Variants in EEA1 observed in about 807,000 individuals in gnomAD.
EEA1 encodes the protein early endosome antigen 1, also known as early endosome antigen 1, 162kD.
Under a neutral mutation model 209.2 loss-of-function variants are expected in EEA1, and 111 were observed. The ratio of observed to expected loss-of-function variants is 0.53; its 90% CI spans 0.45 to 0.62. EEA1 has a LOEUF of 0.62. Ranked by LOEUF, EEA1 falls within the 20% of genes least tolerant of loss-of-function variation. EEA1 has a pLI of 0.00. For missense variants in EEA1, 1,343 were observed against 1,530.8 expected (o/e 0.88, Z 2.05); for synonymous variants, 536 against 540.6 (o/e 0.99, Z 0.12).
chr12:92,872,625 G>GT (rs1434220272), intron 2 of EEA1, among the ~76,000 whole-genome samples: 1 of 152,144 alleles, frequency 6.6e-6, no homozygotes, highest in African/African-American at 2.4e-5. Context: ...TTATACTGAT[G>GT]TATGTATGGC....
At chr12:92,794,942 CAA>C (rs1874593592) in intron 21 of EEA1, among the ~76,000 whole-genome samples, 1 of 152,084 alleles carries the variant, frequency 6.6e-6, no homozygotes, top group Non-Finnish European at 1.5e-5. Flanking sequence ...TGCACAAACC[CAA>C]GTTATCCTTG....
chr12:92,805,388 G>A (rs950687006), intron 18 of EEA1, among the ~76,000 whole-genome samples: 2 of 152,080 alleles, frequency 1.3e-5, no homozygotes, highest in African/African-American at 4.8e-5. Flanking sequence ...ATGAAGGTGT[G>A]AAACAACTTA....
At chr12:92,901,621 G>T (rs1880146770) in intron 1 of EEA1, among the ~76,000 whole-genome samples, 2 of 150,688 alleles carry the variant, frequency 1.3e-5, no homozygotes, top group South Asian at 4.2e-4. Context: ...AAGCGGGAGT[G>T]CAATGGCATT....
At chr12:92,885,428 CAGAG>C (rs1879337469) in intron 2 of EEA1, among the ~76,000 whole-genome samples, 1 of 152,156 alleles carries the variant, frequency 6.6e-6, no homozygotes, top group Non-Finnish European at 1.5e-5. Context: ...AAACAAACCT[CAGAG>C]AGACAGAGAC....
chr12:92,874,937 T>C (rs968397033), intron 2 of EEA1, among the ~76,000 whole-genome samples: 3 of 152,354 alleles, frequency 2.0e-5, no homozygotes, highest in Non-Finnish European at 2.9e-5. Context: ...TACATATGTA[T>C]TGAACATCAA....
chr12:92,847,529 G>C (rs777142401), intron 9 of EEA1, among the ~76,000 whole-genome samples: 1 of 151,988 alleles, frequency 6.6e-6, no homozygotes, highest in South Asian at 2.1e-4. Context: ...ATATGGAAAT[G>C]GTATGACACA....
At chr12:92,856,277 T>C (rs527757414) in intron 5 of EEA1, among the ~76,000 whole-genome samples, 1 of 152,300 alleles carries the variant, frequency 6.6e-6, no homozygotes, top group Admixed American at 6.5e-5. Context: ...AATTTCAGAA[T>C]AAAATCAATA....
At chr12:92,776,817 CAT>C (rs770686981) in intron 28 of EEA1, 25 bp downstream of exon 28, 11 of 1,582,892 alleles carry the variant, frequency 6.9e-6, no homozygotes, top group Non-Finnish European at 9.5e-6. Context: ...AATCCAGAAA[CAT>C]AGTTACATGA....
At chr12:92,870,940 C>G (rs892285680) in intron 2 of EEA1, among the ~76,000 whole-genome samples, 4 of 152,106 alleles carry the variant, frequency 2.6e-5, no homozygotes, top group Non-Finnish European at 5.9e-5. Context: ...AACTCCTGAC[C>G]TCAAGTGATC....
In EEA1 at chr12:92,809,111, C is replaced by T; in HGVS notation, c.2245G>A (p.Ala749Thr). Residue 749 changes from alanine to threonine, a missense_variant, in exon 18 of 29, where the codon GCT becomes ACT. By Grantham distance (58) the Ala-to-Thr change is moderately conservative. Coordinates refer to ENST00000322349, the MANE Select transcript of EEA1 (RefSeq NM_003566.4). ...CTTTGCTGTTGTAGATCTTGCAAAG[C>T]CTGCTCCTTGCTTGCTTTAACTTCA... ...SLEVKASKEQ[A>T]LQDLQQQRQL... 3 of 1,602,446 alleles carry T rather than the reference C, an allele frequency of 1.9e-6. No homozygotes were observed. Among genetic ancestry groups the T allele is most frequent in the Non-Finnish European group, 2.6e-6 (3 of 1,173,888 alleles).
chr12:92,906,274 T>A (rs1880383113), intron 1 of EEA1, among the ~76,000 whole-genome samples: 1 of 151,942 alleles, frequency 6.6e-6, no homozygotes, highest in African/African-American at 2.4e-5. Context: ...GTATTTTTTT[T>A]ATAGAGACGG....
At chr12:92,817,714 T>C (rs1875860023) in intron 14 of EEA1, among the ~76,000 whole-genome samples, 1 of 152,228 alleles carries the variant, frequency 6.6e-6, no homozygotes. Context: ...AATCTTTTAC[T>C]ATTTATTGTG....
chr12:92,817,466 C>A (rs1875848087), intron 14 of EEA1, among the ~76,000 whole-genome samples: 2 of 151,974 alleles, frequency 1.3e-5, no homozygotes, highest in South Asian at 4.2e-4. Flanking sequence ...CTCAAGTGAT[C>A]CTTTCACTTC....
At chr12:92,831,576 CTATA>C (rs1055764775) in intron 11 of EEA1, among the ~76,000 whole-genome samples, 1 of 141,120 alleles carries the variant, frequency 7.1e-6, no homozygotes, top group African/African-American at 2.7e-5. Flanking sequence ...TGTATATATA[CTATA>C]TATATAAAAT....
At chr12:92,802,769 C>T (rs1399634457) in intron 18 of EEA1, 35 bp from the exon 19 acceptor site, 10 of 1,415,266 alleles carry the variant, frequency 7.1e-6, no homozygotes, top group African/African-American at 1.5e-5. Context: ...TTAAATAACA[C>T]ATAATTTACC....
intron 9 of EEA1, among the ~76,000 whole-genome samples, chr12:92,846,658 C>A (rs1416482126): frequency 1.3e-5 from 2 of 152,094 alleles, no homozygotes; most frequent in African/African-American, 4.8e-5. Flanking sequence ...AATTTCCAAT[C>A]CATAAAACAG....
intron 21 of EEA1, 121 bp downstream of exon 21, chr12:92,798,771 A>G (rs1874764645): frequency 1.5e-6 from 1 of 655,128 alleles, no homozygotes; most frequent in African/African-American, 1.9e-5. Flanking sequence ...TTAAACTTAG[A>G]AAAAAATTAG....
intron 14 of EEA1, among the ~76,000 whole-genome samples, chr12:92,818,392 T>G (rs1368378512): frequency 6.6e-6 from 1 of 152,166 alleles, no homozygotes; most frequent in Non-Finnish European, 1.5e-5. Context: ...CTGAAAACAG[T>G]AGTCTTGTAC....
intron 1 of EEA1, among the ~76,000 whole-genome samples, chr12:92,916,888 G>A (rs974181835): frequency 2.0e-5 from 3 of 146,824 alleles, no homozygotes; most frequent in Non-Finnish European, 3.0e-5. Context: ...CCAATACAGA[G>A]AAGTGCTTAA....
Sources: allele counts gnomAD v4.1 joint callset (sites outside exome capture counted in the v4.1 genomes callset), GRCh38; gene constraint gnomAD v4.1.1; transcripts MANE v1.5; gene names NCBI Gene and HGNC (gene_info 2026-07-23, HGNC 2026-07-21).